The following PPP3CA variants were observed in gnomAD, a reference collection of about 807,000 sequenced individuals.
PPP3CA encodes protein phosphatase 3 catalytic subunit alpha.
In PPP3CA, 14 loss-of-function variants were observed where a neutral mutation model predicts 66.5. The ratio of observed to expected loss-of-function variants is 0.21; its 90% CI spans 0.14 to 0.33. PPP3CA has a LOEUF of 0.33. Ranked by LOEUF, PPP3CA falls within the 10% of genes least tolerant of loss-of-function variation. The pLI is 1.00. For synonymous variants in PPP3CA, 232 were observed against 226.2 expected (o/e 1.03, Z -0.23); for missense variants, 317 against 639.5 (o/e 0.50, Z 5.44).
In PPP3CA at chr4:101,125,257, T is replaced by C. The variant is rs1015324371; in HGVS notation, c.260-16179A>G. 3.3e-5 allele frequency among the ~76,000 whole-genome samples: 5 copies of C among 152,206 alleles called. No individual in the cohort carries two copies. The East Asian group carries it at 9.6e-4, about 29-fold the overall frequency. The stretch of plus-strand genomic sequence containing the variant: ...TATAAACACCGCCTTCAGGCGCAAA[T>C]GGATCTGAGCTTAAAGGAAGCCTGC... On this transcript the variant is annotated intron_variant, in intron 2 of 13. Transcript: ENST00000394854.
intron 11 of PPP3CA, among the ~76,000 whole-genome samples, chr4:101,033,719 C>A (rs956690599): frequency 3.9e-5 from 6 of 152,132 alleles, no homozygotes; most frequent in South Asian, 4.1e-4. Context: ...ACAACCATCA[C>A]CATAATCAAT....
intron 1 of PPP3CA, among the ~76,000 whole-genome samples, chr4:101,338,455 T>A (rs925582220): frequency 6.6e-6 from 1 of 152,244 alleles, no homozygotes; most frequent in Non-Finnish European, 1.5e-5. Context: ...TCCTTTGTTA[T>A]TTCATTCCTG....
intron 1 of PPP3CA, among the ~76,000 whole-genome samples, chr4:101,264,940 T>G (rs1472695106): frequency 6.6e-6 from 1 of 152,188 alleles, no homozygotes; most frequent in African/African-American, 2.4e-5. Flanking sequence ...ACAAACTGTT[T>G]AAATCTCTTT....
chr4:101,309,466 T>C (rs962874687), intron 1 of PPP3CA, among the ~76,000 whole-genome samples: 1 of 151,606 alleles, frequency 6.6e-6, no homozygotes, highest in Non-Finnish European at 1.5e-5. Context: ...CACTTGAAAC[T>C]AAAAAGCAAA....
chr4:101,052,586 C>A (rs1427744855), intron 10 of PPP3CA, among the ~76,000 whole-genome samples: 1 of 151,302 alleles, frequency 6.6e-6, no homozygotes, highest in African/African-American at 2.4e-5. Flanking sequence ...AAAAAACCAA[C>A]AATAAACTGG....
intron 10 of PPP3CA, among the ~76,000 whole-genome samples, chr4:101,052,891 C>T (rs1470622468): frequency 6.6e-6 from 1 of 151,944 alleles, no homozygotes; most frequent in African/African-American, 2.4e-5. Context: ...CCATGTTCTT[C>T]CTTTAGTTAT....
chr4:101,329,954 A>G (rs761048162), intron 1 of PPP3CA, among the ~76,000 whole-genome samples: 59 of 152,182 alleles, frequency 3.9e-4, no homozygotes, highest in Non-Finnish European at 7.9e-4. Context: ...CCCATTCTGC[A>G]GTCCATGGAT....
At chr4:101,108,926 C>T in intron 3 of PPP3CA, 28 bp downstream of exon 3, 1 of 1,603,250 alleles carries the variant, frequency 6.2e-7, no homozygotes, top group Non-Finnish European at 8.5e-7. Context: ...CATAACTGAA[C>T]AGCAAAGAAG....
chr4:101,287,672 A>C (rs1727887442), intron 1 of PPP3CA, among the ~76,000 whole-genome samples: 1 of 152,154 alleles, frequency 6.6e-6, no homozygotes, highest in South Asian at 2.1e-4. Flanking sequence ...TTCAATTAAC[A>C]CAAGTATAAA....
intron 7 of PPP3CA, among the ~76,000 whole-genome samples, chr4:101,082,184 C>A (rs1041573049): frequency 1.3e-5 from 2 of 152,170 alleles, no homozygotes; most frequent in South Asian, 4.1e-4. Flanking sequence ...GAAGACCTGA[C>A]TGGTTGGGTA....
intron 1 of PPP3CA, among the ~76,000 whole-genome samples, chr4:101,283,298 C>T (rs918331933): frequency 1.3e-5 from 2 of 152,152 alleles, no homozygotes; most frequent in African/African-American, 2.4e-5. Context: ...AATAGCAAAA[C>T]ATCTAAGCCT....
chr4:101,050,883 T>C (rs1727980157), intron 10 of PPP3CA, among the ~76,000 whole-genome samples: 1 of 152,190 alleles, frequency 6.6e-6, no homozygotes. Context: ...TTCCAGTTTT[T>C]CAAACAGTTA....
At chr4:101,237,334 A>T (rs1433820172) in intron 1 of PPP3CA, among the ~76,000 whole-genome samples, 6 of 151,920 alleles carry the variant, frequency 3.9e-5, no homozygotes, top group Non-Finnish European at 7.4e-5. Flanking sequence ...GAATCATCTA[A>T]ATTAGATTTA....
At chr4:101,332,474 C>G (rs1173284938) in intron 1 of PPP3CA, among the ~76,000 whole-genome samples, 1 of 152,172 alleles carries the variant, frequency 6.6e-6, no homozygotes, top group East Asian at 1.9e-4. Context: ...AGCCATTGGA[C>G]AGCCACTGCC....
At chr4:101,080,117 T>C (rs1729369547) in intron 8 of PPP3CA, among the ~76,000 whole-genome samples, 2 of 152,184 alleles carry the variant, frequency 1.3e-5, no homozygotes, top group Non-Finnish European at 2.9e-5. Context: ...ATAAATGCAA[T>C]TCAAATTTGA....
intron 3 of PPP3CA, among the ~76,000 whole-genome samples, chr4:101,107,692 C>G (rs969913603): frequency 2.0e-5 from 3 of 152,136 alleles, no homozygotes; most frequent in African/African-American, 7.2e-5. Flanking sequence ...AAAAATAAAA[C>G]TGATATAATT....
intron 10 of PPP3CA, among the ~76,000 whole-genome samples, chr4:101,044,920 G>A (rs924596480): frequency 2.6e-5 from 4 of 152,202 alleles, no homozygotes; most frequent in Non-Finnish European, 4.4e-5. Flanking sequence ...GCCTTAGAAA[G>A]GAACTGGAAA....
chr4:101,299,049 G>T (rs1578643050), intron 1 of PPP3CA, among the ~76,000 whole-genome samples: 1 of 145,788 alleles, frequency 6.9e-6, no homozygotes, highest in Admixed American at 6.8e-5. Context: ...CACCACTGCT[G>T]AATATCAATA....
intron 2 of PPP3CA, among the ~76,000 whole-genome samples, chr4:101,127,273 C>T (rs186348793): frequency 3.6e-4 from 54 of 152,094 alleles, no homozygotes; most frequent in Non-Finnish European, 6.3e-4. Context: ...ATGGGTTAAA[C>T]TGTGCTCTAC....
Sources: allele counts gnomAD v4.1 joint callset (sites outside exome capture counted in the v4.1 genomes callset), GRCh38; gene constraint gnomAD v4.1.1; transcripts MANE v1.5; gene names NCBI Gene and HGNC (gene_info 2026-07-23, HGNC 2026-07-21).